Variants in SATB1 observed in about 807,000 individuals in gnomAD.
The protein encoded by SATB1 is DNA-binding protein SATB1.
In SATB1, 11 loss-of-function variants were observed where a neutral mutation model predicts 86.9. That is an observed-to-expected ratio of 0.13 (90% CI 0.08 to 0.21). The LOEUF (loss-of-function observed/expected upper bound fraction) is 0.21, where lower values mean the gene tolerates loss of function less well. Among genes scored for constraint, SATB1 ranks in the 10% least tolerant of loss-of-function variants. SATB1 has a pLI of 1.00. For synonymous variants in SATB1, 357 were observed against 357.2 expected, an observed-to-expected ratio of 1.00 and a Z score of 0.01; for missense variants, 551 against 937.6, an observed-to-expected ratio of 0.59 and a Z score of 5.39.
intron 5 of SATB1, among the ~76,000 whole-genome samples, chr3:18,400,192 C>T (rs1420540710): frequency 2.0e-5 from 3 of 152,084 alleles, no homozygotes; most frequent in Non-Finnish European, 2.9e-5. Context: ...GGCCAAGTTC[C>T]ATGTTAGAAA....
chr3:18,379,266 AT>A (rs1337602637), intron 8 of SATB1, among the ~76,000 whole-genome samples: 26 of 152,208 alleles, frequency 1.7e-4, no homozygotes, highest in African/African-American at 5.8e-4. Flanking sequence ...CTCCAAATTT[AT>A]TTTTTATTAC....
At chr3:18,390,963 A>G (rs1261722248) in intron 7 of SATB1, among the ~76,000 whole-genome samples, 1 of 152,216 alleles carries the variant, frequency 6.6e-6, no homozygotes, top group African/African-American at 2.4e-5. Flanking sequence ...CATTAAAAAG[A>G]CATCAAGTAG....
At chr3:18,373,561 G>A (rs1472560794) in intron 9 of SATB1, among the ~76,000 whole-genome samples, 7 of 152,100 alleles carry the variant, frequency 4.6e-5, no homozygotes, top group Non-Finnish European at 1.0e-4. Flanking sequence ...AATGATTTGC[G>A]ACACGTGTCT....
At chr3:18,383,914 T>C (rs1287796970) in intron 8 of SATB1, among the ~76,000 whole-genome samples, 1 of 152,162 alleles carries the variant, frequency 6.6e-6, no homozygotes, top group Non-Finnish European at 1.5e-5. Flanking sequence ...ATTATAATAA[T>C]ATTAATAATT....
intron 9 of SATB1, among the ~76,000 whole-genome samples, chr3:18,361,908 G>A (rs777365201): frequency 3.3e-5 from 5 of 152,020 alleles, no homozygotes; most frequent in Middle Eastern, 3.2e-3. Context: ...TATAAAGGGC[G>A]TCAATCAGGA....
At position 18,347,719 on chromosome 3, in the gene SATB1, T is replaced by A. The variant is rs1575068901; in HGVS notation, c.*1451A>T. 6.6e-6 allele frequency: 1 copy of A among 152,212 alleles called. No individual in the cohort carries two copies. Among genetic ancestry groups the A allele is most frequent in the African/African-American group, 2.4e-5 (1 of 41,462 alleles). The allele number at this position is 152,212 out of a possible 1,614,324, so 9.4% of individuals were successfully genotyped here. A position where few individuals can be genotyped will look rare whatever the true frequency, so the allele number is the denominator to read the frequency against. ...TTTTGACCATCCTATCTCTACTTAT[T>A]AAGCAAAATGTTAACCAAACAGGTT... On this transcript the variant is annotated 3_prime_UTR_variant, in exon 11 of 11. Transcript: ENST00000338745.
In SATB1 at chr3:18,351,206, T is replaced by C. The variant is rs1185300314; in HGVS notation, c.1779+786A>G. On this transcript the variant is annotated intron_variant, in intron 10 of 10. Coordinates refer to ENST00000338745, the MANE Select transcript of SATB1 (RefSeq NM_002971.6). ...GCACAGTGAGCTCTGCCCAAGACCATGGTTAGTAGGGCCTTTACAGGTTTG... is the reference window on the plus strand; with the variant it reads ...GCACAGTGAGCTCTGCCCAAGACCACGGTTAGTAGGGCCTTTACAGGTTTG... 1.0e-5 allele frequency: 9 copies of C among 863,874 alleles called. No homozygotes were observed. The Admixed American group carries it at 1.8e-4, about 17-fold the overall frequency. 53.5% of individuals were successfully genotyped at this position (863,874 alleles called of 1,614,324 possible).
chr3:18,352,377 G>GA lies in SATB1; in HGVS notation c.1576-183dup. The GA allele has an allele frequency of 1.7e-6, 1 of 576,888 alleles. No individual in the cohort carries two copies. Among genetic ancestry groups the GA allele is most frequent in the Non-Finnish European group, 3.1e-6 (1 of 325,632 alleles). 35.7% of individuals were successfully genotyped at this position (576,888 alleles called of 1,614,324 possible). A position where few individuals can be genotyped will look rare whatever the true frequency, so the allele number is the denominator to read the frequency against. On this transcript the variant is annotated intron_variant, in intron 9 of 10. Transcript: ENST00000338745. This position sits in a 1 kb window ranked among gnomAD's most constrained non-coding sequence, Gnocchi z 4.1. ...GTTATCTGTGGCTGTCAAGGAGGCAGACTCTGTTTCTAATCAAAGTTCAGA... is the reference window on the plus strand; with the variant it reads ...GTTATCTGTGGCTGTCAAGGAGGCAGAACTCTGTTTCTAATCAAAGTTCAGA...
chr3:18,351,087 C>G (rs999094227), intron 10 of SATB1: 9 of 533,902 alleles, frequency 1.7e-5, no homozygotes, highest in African/African-American at 1.5e-4. Context: ...GATCCCAGAA[C>G]TTTTCCATCT....
chr3:18,376,323 T>A (rs904949955), intron 9 of SATB1, among the ~76,000 whole-genome samples: 4 of 151,956 alleles, frequency 2.6e-5, no homozygotes, highest in Non-Finnish European at 5.9e-5. Flanking sequence ...TAACTAAATA[T>A]GGTTATTAAT....
chr3:18,385,302 T>C (rs1696277783), intron 8 of SATB1, among the ~76,000 whole-genome samples: 1 of 152,206 alleles, frequency 6.6e-6, no homozygotes, highest in Non-Finnish European at 1.5e-5. Context: ...TTAAGAGCTG[T>C]AAATGTCACA....
In SATB1 at chr3:18,352,099, G is replaced by T; in HGVS notation, c.1672C>A (p.Leu558Ile). 1 of 1,614,196 alleles carries T rather than the reference G, an allele frequency of 6.2e-7. No individual in the cohort carries two copies. The highest frequency in any genetic ancestry group is 8.5e-7 in the Non-Finnish European group (1 of 1,180,044). Reference sequence around the variant, plus strand: ...ATGGCATCACGTTCTGGCTGAGGAAGACTGAGGAACCTTCGGATCATGGAG... The same window carrying T: ...ATGGCATCACGTTCTGGCTGAGGAATACTGAGGAACCTTCGGATCATGGAG... ...NLSMIRRFLS[L>I]PQPERDAIYE... Residue 558 changes from leucine to isoleucine, a missense_variant, in exon 10 of 11, where the codon CTT (leucine) becomes ATT (isoleucine). This residue lies in a region of SATB1 where 110 missense variants were observed against 212.2 expected (regional missense o/e 0.52). Transcript: ENST00000338745. The surrounding 1 kb of genome is among the most constrained non-coding windows in gnomAD (Gnocchi z 4.1).
In SATB1 at chr3:18,420,793, G is replaced by A; in HGVS notation, c.175C>T (p.His59Tyr). The A allele has an allele frequency of 6.2e-7, 1 of 1,614,088 alleles. No homozygotes were observed. The highest frequency in any genetic ancestry group is 1.1e-5 in the South Asian group (1 of 91,084). ...GAKMQGVPLKHSGHLMKTNLR... is the reference protein window; with the variant it reads ...GAKMQGVPLKYSGHLMKTNLR... ...TTGGTTTTCATCAGATGGCCCGAGT[G>A]TTTTAAAGGCACTCCCTGCATTTTT... Residue 59 changes from histidine (H) to tyrosine (Y), a missense_variant, in exon 2 of 11, where the codon CAC (histidine) becomes TAC (tyrosine). By Grantham distance (83) the His-to-Tyr change is moderately conservative (BLOSUM62 2). Coordinates refer to ENST00000338745, the MANE Select transcript of SATB1 (RefSeq NM_002971.6).
intron 5 of SATB1, among the ~76,000 whole-genome samples, chr3:18,399,939 T>C (rs1052126155): frequency 6.6e-6 from 1 of 152,048 alleles, no homozygotes; most frequent in Non-Finnish European, 1.5e-5. Context: ...TGTGTGTGTG[T>C]TTCAGGTGGT....
rs1696354638 is a variant in SATB1, at chr3:18,386,561, G to C, written c.1257C>G (p.Ser419=). ...CCCGAAGGTTTACCAGCAAAGACTG[G>C]GATGCAGTCTTGGGGTCCTCTTCCT... ...LRKEEDPKTA[S]QSLLVNLRAM... is the part of the protein sequence containing the mutation. The change falls in exon 8 of 11, where the codon TCC becomes TCG. Residue 419 remains serine (S), a synonymous_variant. Transcript: ENST00000338745. This position sits in a 1 kb window ranked among gnomAD's most constrained non-coding sequence, Gnocchi z 4.5. The C allele has an allele frequency of 1.9e-6, 3 of 1,614,060 alleles. No individual in the cohort carries two copies. The East Asian group carries it at 6.7e-5, about 36-fold the overall frequency.
At chr3:18,440,835 A>C (rs1160837671), upstream of SATB1, among the ~76,000 whole-genome samples, 2 of 152,204 alleles carry the variant, frequency 1.3e-5, no homozygotes, top group African/African-American at 4.8e-5. Context: ...AAGAGTAATG[A>C]CTGTTCTGTA....
intron 9 of SATB1, among the ~76,000 whole-genome samples, chr3:18,362,859 G>GC (rs1694974343): frequency 5.3e-4 from 1 of 1,878 alleles, no homozygotes; most frequent in East Asian, 0.025. Flanking sequence ...TATGCCATGT[G>GC]CAAAAAAAAA....
Position 18,424,323 on chromosome 3 carries a change from A to ACCCCCCC in SATB1, c.-722_-721insGGGGGGG, listed in dbSNP as rs138686151. 34 of 147,448 alleles carry ACCCCCCC rather than the reference A, an allele frequency of 2.3e-4. No individual in the cohort carries two copies. Among genetic ancestry groups the ACCCCCCC allele is most frequent in the South Asian group, 8.7e-4 (4 of 4,572 alleles). The allele number at this position is 147,448 out of a possible 1,614,324, so 9.1% of individuals were successfully genotyped here. ...CCTCGCCTCCCTTCCAATCACCCCC[A>ACCCCCCC]CCCCCCTCGCCAACAATCGCGACTA... On this transcript the variant is annotated 5_prime_UTR_variant, in exon 1 of 11. Transcript: ENST00000338745.
chr3:18,379,359 T>C (rs1695926228), intron 8 of SATB1, among the ~76,000 whole-genome samples: 2 of 152,166 alleles, frequency 1.3e-5, no homozygotes, highest in African/African-American at 2.4e-5. Flanking sequence ...AAAATATAAA[T>C]GAAAAATTAC....
Sources: gnomAD v4.1 joint callset for allele counts (sites outside exome capture counted in the v4.1 genomes callset) on GRCh38, gnomAD v4.1.1 for gene constraint, gnomAD v4.1.1 regional missense constraint, Gnocchi (gnomAD v3.1) non-coding constraint, MANE v1.5 for transcripts, NCBI Gene and HGNC (gene_info 2026-07-23, HGNC 2026-07-21) for gene names.